The following GNG7 variants were observed in gnomAD, a reference collection of about 807,000 sequenced individuals.
GNG7 encodes G protein subunit gamma 7.
Under a neutral mutation model 4.0 loss-of-function variants are expected in GNG7, and 1 was observed. The ratio of observed to expected loss-of-function variants is 0.25; its 90% CI spans 0.09 to 1.18. The LOEUF (loss-of-function observed/expected upper bound fraction) is 1.18. Among genes scored for constraint, GNG7 ranks in the 50% most tolerant of loss-of-function variants. GNG7 has a pLI of 0.50. For missense variants in GNG7, 86 were observed against 91.9 expected (o/e 0.94, Z 0.26); for synonymous variants, 34 against 36.9 (o/e 0.92, Z 0.29).
chr19:2,589,812 T>C (rs1980786551), intron 2 of GNG7, among the ~76,000 whole-genome samples: 1 of 152,108 alleles, frequency 6.6e-6, no homozygotes, highest in Non-Finnish European at 1.5e-5. Flanking sequence ...GTGATCCCAT[T>C]GACATGAAAT....
chr19:2,665,367 G>GT (rs1983281840), intron 1 of GNG7, among the ~76,000 whole-genome samples: 1 of 151,946 alleles, frequency 6.6e-6, no homozygotes, highest in Non-Finnish European at 1.5e-5. Context: ...CCCCTGGGGG[G>GT]GGGGGGGCAG....
intron 3 of GNG7, among the ~76,000 whole-genome samples, chr19:2,549,814 A>G (rs1266112616): frequency 1.3e-5 from 2 of 152,108 alleles, no homozygotes; most frequent in Non-Finnish European, 2.9e-5. Context: ...GAGCCAGCAC[A>G]CTTGTTGTGC....
intron 2 of GNG7, among the ~76,000 whole-genome samples, chr19:2,628,851 T>A (rs1385187781): frequency 2.0e-5 from 3 of 152,160 alleles, no homozygotes; most frequent in African/African-American, 7.2e-5. Context: ...CTTCGTCGCA[T>A]CTGCAAAATC....
chr19:2,582,312 T>C (rs1020718843), intron 2 of GNG7, among the ~76,000 whole-genome samples: 2 of 152,148 alleles, frequency 1.3e-5, no homozygotes, highest in African/African-American at 4.8e-5. Context: ...TGTACTATTT[T>C]TGCACCTCTT....
chr19:2,551,589 G>GT (rs1421883737), intron 3 of GNG7, among the ~76,000 whole-genome samples: 1 of 145,754 alleles, frequency 6.9e-6, no homozygotes, highest in African/African-American at 2.5e-5. Context: ...ATATAAATAT[G>GT]CATTTATAAA....
chr19:2,647,608 C>T (rs776256049), intron 1 of GNG7, among the ~76,000 whole-genome samples: 9 of 152,152 alleles, frequency 5.9e-5, no homozygotes, highest in Non-Finnish European at 1.0e-4. Flanking sequence ...ACCCCAGCTA[C>T]TCGAGAGGCT....
chr19:2,600,498 G>A (rs1186479603), intron 2 of GNG7, among the ~76,000 whole-genome samples: 1 of 144,528 alleles, frequency 6.9e-6, no homozygotes, highest in Non-Finnish European at 1.5e-5. Flanking sequence ...GTGAGATGGA[G>A]TCTCGCTCTG....
chr19:2,605,284 C>T (rs1178630288), intron 2 of GNG7, among the ~76,000 whole-genome samples: 13 of 152,120 alleles, frequency 8.5e-5, no homozygotes, highest in Non-Finnish European at 1.5e-4. Context: ...CTGCAACCTC[C>T]GCCTCCTGGG....
At chr19:2,565,850 G>T (rs1402166958) in intron 2 of GNG7, among the ~76,000 whole-genome samples, 2 of 152,090 alleles carry the variant, frequency 1.3e-5, no homozygotes, top group Non-Finnish European at 2.9e-5. Context: ...GGAATGATGT[G>T]TGCAGACATT....
chr19:2,621,704 C>T (rs932626696), intron 2 of GNG7, among the ~76,000 whole-genome samples: 8 of 151,880 alleles, frequency 5.3e-5, no homozygotes, highest in Non-Finnish European at 1.0e-4. Flanking sequence ...CTAAAACAAA[C>T]AAACAAACAA....
At chr19:2,701,792 C>T (rs989670746) in intron 1 of GNG7, among the ~76,000 whole-genome samples, 1 of 150,978 alleles carries the variant, frequency 6.6e-6, no homozygotes, top group Non-Finnish European at 1.5e-5. Flanking sequence ...AACCCCTGTT[C>T]CCCGCTCCAA....
intron 2 of GNG7, among the ~76,000 whole-genome samples, chr19:2,621,696 A>AAAACAAAC (rs78958083): frequency 0.013 from 1,935 of 151,682 alleles, 16 homozygotes; most frequent in African/African-American, 0.026. Context: ...GACCTCATCT[A>AAAACAAAC]AAACAAACAA....
chr19:2,666,785 C>A (rs758950885), intron 1 of GNG7, among the ~76,000 whole-genome samples: 3 of 152,234 alleles, frequency 2.0e-5, no homozygotes, highest in Admixed American at 6.5e-5. Context: ...CATGGCCCAT[C>A]GTGTGCCAAT....
chr19:2,553,523 C>T (rs542557339), intron 3 of GNG7, among the ~76,000 whole-genome samples: 11 of 148,426 alleles, frequency 7.4e-5, no homozygotes, highest in African/African-American at 2.0e-4. Flanking sequence ...TATATGTACA[C>T]ATTACATGTA....
chr19:2,526,874 C>G (rs1384307355), intron 3 of GNG7, among the ~76,000 whole-genome samples: 1 of 134,140 alleles, frequency 7.5e-6, no homozygotes, highest in East Asian at 2.1e-4. Context: ...GAGAGGGAGT[C>G]TCGCTCTGTC....
intron 4 of GNG7, among the ~76,000 whole-genome samples, chr19:2,520,125 G>A (rs1978299948): frequency 2.0e-5 from 3 of 152,194 alleles, no homozygotes. Flanking sequence ...AGGTTGCAGT[G>A]AGCCGAGATC....
intron 1 of GNG7, among the ~76,000 whole-genome samples, chr19:2,676,090 T>A (rs567558710): frequency 2.3e-4 from 35 of 152,284 alleles, no homozygotes; most frequent in African/African-American, 8.4e-4. Flanking sequence ...TGGAGCGATG[T>A]CACCAGCCCA....
chr19:2,647,101 G>T (rs1053943999), intron 1 of GNG7, among the ~76,000 whole-genome samples: 1 of 152,152 alleles, frequency 6.6e-6, no homozygotes, highest in Non-Finnish European at 1.5e-5. Context: ...CGGGGGACTC[G>T]GGGGGACCCT....
intron 3 of GNG7, among the ~76,000 whole-genome samples, chr19:2,537,636 G>A (rs141990815): frequency 3.0e-3 from 449 of 151,604 alleles, no homozygotes; most frequent in Middle Eastern, 6.8e-3. Context: ...CGGTTCTGAT[G>A]GGACAGGAAG....
Sources: gnomAD v4.1 joint callset for allele counts (sites outside exome capture counted in the v4.1 genomes callset) on GRCh38, gnomAD v4.1.1 for gene constraint, MANE v1.5 for transcripts, NCBI Gene and HGNC (gene_info 2026-07-23, HGNC 2026-07-21) for gene names.